GPR158: variants seen among roughly 807,000 people sequenced by gnomAD.
GPR158 encodes the protein metabotropic glycine receptor.
Under a neutral mutation model 78.2 loss-of-function variants are expected in GPR158, and 30 were observed. That is an observed-to-expected ratio of 0.38 (90% CI 0.29 to 0.52). The LOEUF (loss-of-function observed/expected upper bound fraction) is 0.52, where lower values mean the gene tolerates loss of function less well. Ranked by LOEUF, GPR158 falls within the 20% of genes least tolerant of loss-of-function variation. The pLI, the probability that GPR158 is intolerant of heterozygous loss-of-function variation, is 0.83. For synonymous variants in GPR158, 581 were observed against 591.1 expected (o/e 0.98, Z 0.25); for missense variants, 1,463 against 1,523.5 (o/e 0.96, Z 0.66).
intron 4 of GPR158, among the ~76,000 whole-genome samples, chr10:25,444,769 A>T (rs143870335): frequency 5.9e-5 from 9 of 152,272 alleles, no homozygotes; most frequent in African/African-American, 2.2e-4. Context: ...TCAAGAAGGA[A>T]ATTTAAGAAT....
At chr10:25,410,941 T>C (rs920893113) in intron 3 of GPR158, among the ~76,000 whole-genome samples, 3 of 152,228 alleles carry the variant, frequency 2.0e-5, no homozygotes, top group African/African-American at 7.2e-5. Context: ...AAACTAAGAC[T>C]TTCTGTTAAA....
chr10:25,201,818 G>A (rs1300455798), intron 1 of GPR158, among the ~76,000 whole-genome samples: 1 of 152,072 alleles, frequency 6.6e-6, no homozygotes, highest in Non-Finnish European at 1.5e-5. Flanking sequence ...AACCCAGGGA[G>A]AAAGCCTCCT....
chr10:25,246,327 A>C (rs1247479172), intron 2 of GPR158, among the ~76,000 whole-genome samples: 1 of 152,160 alleles, frequency 6.6e-6, no homozygotes, highest in Non-Finnish European at 1.5e-5. Context: ...ATATAAAGTG[A>C]TTTCTGCATT....
chr10:25,591,716 C>T (rs1564499746), intron 8 of GPR158, among the ~76,000 whole-genome samples: 1 of 152,070 alleles, frequency 6.6e-6, no homozygotes. Context: ...TGAAGAAGCC[C>T]TATGTTTTAA....
chr10:25,387,678 G>A (rs1301931116), intron 2 of GPR158, among the ~76,000 whole-genome samples: 2 of 151,936 alleles, frequency 1.3e-5, no homozygotes, highest in East Asian at 3.9e-4. Flanking sequence ...ACCATGCCTG[G>A]CTAATTTTTG....
At chr10:25,491,024 AAAAT>A (rs1835802705) in intron 5 of GPR158, among the ~76,000 whole-genome samples, 1 of 152,208 alleles carries the variant, frequency 6.6e-6, no homozygotes, top group Non-Finnish European at 1.5e-5. Flanking sequence ...TAAGGAAAAT[AAAAT>A]AAATACATTC....
At chr10:25,345,378 G>A (rs929383341) in intron 2 of GPR158, among the ~76,000 whole-genome samples, 5 of 151,832 alleles carry the variant, frequency 3.3e-5, no homozygotes, top group Non-Finnish European at 7.4e-5. Context: ...CTTTGATCTC[G>A]TAAAATCGGT....
At chr10:25,267,489 C>A (rs1440955253) in intron 2 of GPR158, among the ~76,000 whole-genome samples, 1 of 152,062 alleles carries the variant, frequency 6.6e-6, no homozygotes, top group East Asian at 1.9e-4. Context: ...ATTATGGGAA[C>A]TACAATTCAA....
intron 2 of GPR158, among the ~76,000 whole-genome samples, chr10:25,316,716 A>G (rs569059582): frequency 6.6e-6 from 1 of 152,302 alleles, no homozygotes; most frequent in African/African-American, 2.4e-5. Context: ...GATGTTATAT[A>G]TTGGTGTGTT....
chr10:25,465,128 G>A (rs527762058), intron 4 of GPR158, among the ~76,000 whole-genome samples: 2 of 152,188 alleles, frequency 1.3e-5, no homozygotes, highest in African/African-American at 4.8e-5. Context: ...TTTCTCCCTG[G>A]CTATCCAGTT....
intron 5 of GPR158, among the ~76,000 whole-genome samples, chr10:25,520,820 T>C (rs1836253645): frequency 6.6e-6 from 1 of 152,204 alleles, no homozygotes; most frequent in African/African-American, 2.4e-5. Context: ...GTCTTTTTGT[T>C]TGTCTGTGCC....
At chr10:25,414,337 A>G (rs148891005) in intron 4 of GPR158, among the ~76,000 whole-genome samples, 70 of 152,334 alleles carry the variant, frequency 4.6e-4, no homozygotes, top group African/African-American at 1.6e-3. Context: ...GTACAGGACT[A>G]TAATGAGAAT....
At chr10:25,214,998 A>C (rs1454882725) in intron 1 of GPR158, among the ~76,000 whole-genome samples, 1 of 151,814 alleles carries the variant, frequency 6.6e-6, no homozygotes, top group Non-Finnish European at 1.5e-5. Flanking sequence ...TCCCATAGAA[A>C]GTTTTATTTC....
At chr10:25,397,589 CTCTT>C (rs990189523) in intron 3 of GPR158, among the ~76,000 whole-genome samples, 2 of 152,172 alleles carry the variant, frequency 1.3e-5, no homozygotes, top group African/African-American at 4.8e-5. Context: ...CTTTTTCTCT[CTCTT>C]AGAAGGCACT....
intron 1 of GPR158, among the ~76,000 whole-genome samples, chr10:25,198,766 G>A (rs1291624542): frequency 6.6e-6 from 1 of 152,086 alleles, no homozygotes; most frequent in Non-Finnish European, 1.5e-5. Flanking sequence ...AAAATGCTGT[G>A]ACGTTGCGTT....
chr10:25,352,486 TATATTA>T (rs1855489212), intron 2 of GPR158, among the ~76,000 whole-genome samples: 1 of 152,200 alleles, frequency 6.6e-6, no homozygotes, highest in African/African-American at 2.4e-5. Flanking sequence ...TTCACATGCT[TATATTA>T]ATATTAATAA....
intron 6 of GPR158, among the ~76,000 whole-genome samples, chr10:25,562,742 C>T (rs1285320129): frequency 6.6e-6 from 1 of 152,192 alleles, no homozygotes; most frequent in Non-Finnish European, 1.5e-5. Context: ...AGAACGTGTA[C>T]TCTGCTGCTG....
rs555829661 is a variant in GPR158, at chr10:25,209,564, A to G, written c.903-11488A>G. Among the ~76,000 whole-genome samples, 12 of 152,330 alleles carry G rather than the reference A, an allele frequency of 7.9e-5. No homozygotes were observed. The East Asian group carries it at 1.9e-3, about 24-fold the overall frequency. The stretch of plus-strand genomic sequence containing the variant: ...AGCCTTACATGTAGTAGGGACACAC[A>G]CACACAATTTATTTTAAAATCTATT... On this transcript the variant is annotated intron_variant, in intron 1 of 10. Coordinates refer to ENST00000376351, the MANE Select transcript of GPR158 (RefSeq NM_020752.3).
chr10:25,556,985 T>G (rs1836794625), intron 6 of GPR158, among the ~76,000 whole-genome samples: 1 of 152,208 alleles, frequency 6.6e-6, no homozygotes, highest in Non-Finnish European at 1.5e-5. Context: ...AGATGAAGAT[T>G]TAAGGTTTCC....
Sources: gnomAD v4.1 joint callset for allele counts (sites outside exome capture counted in the v4.1 genomes callset) on GRCh38, gnomAD v4.1.1 for gene constraint, MANE v1.5 for transcripts, NCBI Gene and HGNC (gene_info 2026-07-23, HGNC 2026-07-21) for gene names.